Variants in TENM3 observed in about 807,000 individuals in gnomAD.
TENM3 encodes teneurin-3.
In TENM3, 63 loss-of-function variants were observed where a neutral mutation model predicts 255.1. That is an observed-to-expected ratio of 0.25 (90% CI 0.20 to 0.30). TENM3 has a LOEUF of 0.30. TENM3 is among the 10% of genes least tolerant of loss of function. The pLI, the probability that TENM3 is intolerant of heterozygous loss-of-function variation, is 1.00. For synonymous variants in TENM3, 1,306 were observed against 1,322.3 expected, an observed-to-expected ratio of 0.99 and a Z score of 0.27; for missense variants, 2,929 against 3,461.1, an observed-to-expected ratio of 0.85 and a Z score of 3.86.
At chr4:181,908,794 G>C in the TENM3 span, among the ~76,000 whole-genome samples, 9 of 152,138 alleles carry the variant, frequency 5.9e-5, no homozygotes, top group African/African-American at 1.9e-4. Flanking sequence ...GATAAATCAG[G>C]TTATCATAGT....
chr4:182,288,944 G>A (rs954267494), intron 1 of TENM3, among the ~76,000 whole-genome samples: 1 of 152,206 alleles, frequency 6.6e-6, no homozygotes, highest in African/African-American at 2.4e-5. Context: ...TCATGCGAGG[G>A]CCAGGTGCAG....
the TENM3 span, among the ~76,000 whole-genome samples, chr4:181,706,431 T>C: frequency 6.6e-6 from 1 of 152,036 alleles, no homozygotes; most frequent in Non-Finnish European, 1.5e-5. Flanking sequence ...CATAGACTGG[T>C]TGTGACTGTT....
intron 3 of TENM3, among the ~76,000 whole-genome samples, chr4:182,352,028 C>T (rs1313801807): frequency 6.6e-6 from 1 of 151,962 alleles, no homozygotes; most frequent in Non-Finnish European, 1.5e-5. Context: ...GTTAAATAAA[C>T]AATATCAAGT....
chr4:182,470,324 C>A (rs1269707872), intron 3 of TENM3, among the ~76,000 whole-genome samples: 2 of 152,180 alleles, frequency 1.3e-5, no homozygotes, highest in Non-Finnish European at 2.9e-5. Flanking sequence ...TATTTTCTCA[C>A]AATATCTTAG....
At chr4:182,036,108 G>A in the TENM3 span, among the ~76,000 whole-genome samples, 1 of 152,132 alleles carries the variant, frequency 6.6e-6, no homozygotes, top group Non-Finnish European at 1.5e-5. Context: ...TCCTCAAGGA[G>A]CCTTCACTGG....
At chr4:182,223,399 T>TA (rs1046756066) in intron 1 of TENM3, among the ~76,000 whole-genome samples, 5 of 152,152 alleles carry the variant, frequency 3.3e-5, no homozygotes, top group Admixed American at 2.6e-4. Flanking sequence ...ATTTTTTTTT[T>TA]ATGAGGGGGT....
chr4:181,669,188 A>G, the TENM3 span, among the ~76,000 whole-genome samples: 1 of 152,230 alleles, frequency 6.6e-6, no homozygotes, highest in East Asian at 1.9e-4. Context: ...TAACAATAAT[A>G]GTTAAGATTT....
At chr4:182,230,151 T>A (rs926053773) in intron 1 of TENM3, among the ~76,000 whole-genome samples, 6 of 143,416 alleles carry the variant, frequency 4.2e-5, no homozygotes, top group African/African-American at 1.5e-4. Context: ...AAAAAAAATC[T>A]TCCCAGAGAC....
At chr4:181,484,121 G>A in the TENM3 span, among the ~76,000 whole-genome samples, 4 of 152,052 alleles carry the variant, frequency 2.6e-5, no homozygotes, top group East Asian at 3.9e-4. Flanking sequence ...GTGTGCCTGC[G>A]TGTGTGTATT....
the TENM3 span, among the ~76,000 whole-genome samples, chr4:181,738,395 G>T: frequency 6.6e-6 from 1 of 152,122 alleles, no homozygotes; most frequent in Non-Finnish European, 1.5e-5. Flanking sequence ...TCTGTCCATT[G>T]TACTGGTCCT....
chr4:182,775,037 A>G lies in TENM3; in HGVS notation c.5188A>G (p.Thr1730Ala), dbSNP rs1764566513. The G allele has an allele frequency of 6.2e-7, 1 of 1,613,876 alleles. No homozygotes were observed. Among genetic ancestry groups the G allele is most frequent in the African/African-American group, 1.3e-5 (1 of 74,932 alleles). Residue 1730 changes from threonine to alanine, a missense_variant, in exon 24 of 28, where the codon ACG becomes GCG. This residue lies in a region of TENM3 where 303 missense variants were observed against 425.2 expected (regional missense o/e 0.71). Transcript: ENST00000511685. ...PHVLAGTANP[T>A]VAKRNMTLPG... ...CGTTCTGGCTGGCACCGCTAATCCG[A>G]CGGTTGCCAAAAGAAACATGACTTT...
At chr4:181,644,626 G>A in the TENM3 span, among the ~76,000 whole-genome samples, 3 of 152,074 alleles carry the variant, frequency 2.0e-5, no homozygotes, top group African/African-American at 7.2e-5. Flanking sequence ...TGGCTTCTTT[G>A]TGACCCCTGC....
the TENM3 span, among the ~76,000 whole-genome samples, chr4:181,942,061 G>A: frequency 5.3e-5 from 8 of 152,198 alleles, no homozygotes; most frequent in Non-Finnish European, 1.0e-4. Flanking sequence ...GCTTTCGGCC[G>A]TGATCTTGGT....
At chr4:181,607,852 C>T in the TENM3 span, among the ~76,000 whole-genome samples, 1 of 152,164 alleles carries the variant, frequency 6.6e-6, no homozygotes, top group Non-Finnish European at 1.5e-5. Flanking sequence ...TGAAAAATGA[C>T]TTCATTTATT....
chr4:182,585,920 A>G (rs1745977626), intron 3 of TENM3, among the ~76,000 whole-genome samples: 1 of 152,214 alleles, frequency 6.6e-6, no homozygotes, highest in Non-Finnish European at 1.5e-5. Context: ...AGAAAGATGC[A>G]GGCTTCCAAT....
intron 3 of TENM3, among the ~76,000 whole-genome samples, chr4:182,409,009 G>C (rs993485042): frequency 2.6e-5 from 4 of 152,352 alleles, no homozygotes; most frequent in South Asian, 2.1e-4. Flanking sequence ...AACATGGCAA[G>C]CAGAGTTTCA....
the TENM3 span, among the ~76,000 whole-genome samples, chr4:181,551,103 C>T: frequency 0.31 from 46,488 of 151,938 alleles, 7,582 homozygotes; most frequent in African/African-American, 0.41. Flanking sequence ...TTTTCCCCCA[C>T]CCCTGGGAAG....
At chr4:181,721,452 T>G in the TENM3 span, among the ~76,000 whole-genome samples, 1 of 146,274 alleles carries the variant, frequency 6.8e-6, no homozygotes, top group African/African-American at 2.5e-5. Context: ...AAAAAAAAAT[T>G]AGCCGGGTGT....
the TENM3 span, among the ~76,000 whole-genome samples, chr4:181,919,704 A>G: frequency 6.6e-6 from 1 of 152,042 alleles, no homozygotes; most frequent in African/African-American, 2.4e-5. Context: ...GTTGTTCACT[A>G]TGAAATACAG....
Sources: allele counts gnomAD v4.1 joint callset (sites outside exome capture counted in the v4.1 genomes callset), GRCh38; gene constraint gnomAD v4.1.1; regional missense constraint gnomAD v4.1.1; transcripts MANE v1.5; gene names NCBI Gene and HGNC (gene_info 2026-07-23, HGNC 2026-07-21).